The following KNCN variants were observed in gnomAD, a reference collection of about 807,000 sequenced individuals.
KNCN encodes kinocilin.
In KNCN, 11 loss-of-function variants were observed where a neutral mutation model predicts 10.4. The ratio of observed to expected loss-of-function variants is 1.06; its 90% CI spans 0.67 to 1.75. KNCN has a LOEUF of 1.75. Ranked by LOEUF, KNCN falls within the 40% of genes most tolerant of loss-of-function variation. The pLI, the probability that KNCN is intolerant of heterozygous loss-of-function variation, is 0.00. For missense variants in KNCN, 172 were observed against 167.1 expected (o/e 1.03, Z -0.16); for synonymous variants, 67 against 71.6 (o/e 0.94, Z 0.33).
Position 46,551,403 on chromosome 1 carries a change from G to C in KNCN, c.-188C>G. 1.7e-6 allele frequency: 1 copy of C among 572,908 alleles called. No individual in the cohort carries two copies. Among genetic ancestry groups the C allele is most frequent in the Non-Finnish European group, 2.9e-6 (1 of 342,018 alleles). The allele number at this position is 572,908 out of a possible 1,614,324, so 35.5% of individuals were successfully genotyped here. On this transcript the variant is annotated 5_prime_UTR_variant, in exon 1 of 4. Coordinates refer to ENST00000481882, the MANE Select transcript of KNCN (RefSeq NM_001322255.2). This position sits in a 1 kb window ranked among gnomAD's most constrained non-coding sequence, Gnocchi z 4.0. ...GTCCTATTCCACTGCTCCACTACGGGCCCCCCAGTCCCACCTTGACCAGGG... is the reference window on the plus strand; with the variant it reads ...GTCCTATTCCACTGCTCCACTACGGCCCCCCCAGTCCCACCTTGACCAGGG...
rs925242037 is a variant in KNCN, at chr1:46,547,029, C to T, written c.*701G>A. 10 of 212,458 alleles carry T rather than the reference C, an allele frequency of 4.7e-5. No homozygotes were observed. Among genetic ancestry groups the T allele is most frequent in the East Asian group, 2.4e-4 (2 of 8,480 alleles). 13.2% of individuals were successfully genotyped at this position (212,458 alleles called of 1,614,324 possible). On this transcript the variant is annotated 3_prime_UTR_variant, in exon 4 of 4. Transcript: ENST00000481882. The stretch of plus-strand genomic sequence containing the variant: ...TGGGAGGAAGAGAGAAGTCAGATCA[C>T]AAAAAGCCTTGAGTGGTGGAGTTAA...
intron 3 of KNCN, among the ~76,000 whole-genome samples, 169 bp downstream of exon 3, chr1:46,549,024 C>T (rs1023378625): frequency 6.6e-6 from 1 of 152,092 alleles, no homozygotes; most frequent in Admixed American, 6.5e-5. Flanking sequence ...GTCTGTAATC[C>T]CAGCTGCTCG....
At chr1:46,549,392 C>T (rs914414591) in intron 2 of KNCN, 125 bp from the exon 3 acceptor site, 22 of 672,770 alleles carry the variant, frequency 3.3e-5, no homozygotes, top group African/African-American at 2.9e-4. Flanking sequence ...TGCTCCACTG[C>T]ATTCCTTTAG....
At chr1:46,549,490 TC>T (rs1667022449) in intron 2 of KNCN, among the ~76,000 whole-genome samples, 1 of 151,734 alleles carries the variant, frequency 6.6e-6, no homozygotes, top group African/African-American at 2.4e-5. Flanking sequence ...GGAGGTGAGG[TC>T]CCGGGGAGAA....
intron 2 of KNCN, 140 bp downstream of exon 2, chr1:46,549,794 A>ACAG: frequency 6.9e-7 from 1 of 1,456,290 alleles, no homozygotes. Flanking sequence ...ACACACACAC[A>ACAG]CAGCAGCTCT....
Position 46,551,398 on chromosome 1 carries a change from T to C in KNCN, c.-183A>G, listed in dbSNP as rs1464627806. The C allele has an allele frequency of 1.7e-6, 1 of 586,786 alleles. No individual in the cohort carries two copies. Among genetic ancestry groups the C allele is most frequent in the East Asian group, 3.4e-5 (1 of 29,426 alleles). The allele number at this position is 586,786 out of a possible 1,614,324, so 36.3% of individuals were successfully genotyped here. ...CTGCAGTCCTATTCCACTGCTCCAC[T>C]ACGGGCCCCCCAGTCCCACCTTGAC... On this transcript the variant is annotated 5_prime_UTR_variant, in exon 1 of 4. Transcript: ENST00000481882. This position sits in a 1 kb window ranked among gnomAD's most constrained non-coding sequence, Gnocchi z 4.0.
chr1:46,549,613 G>A, intron 2 of KNCN: 1 of 552,428 alleles, frequency 1.8e-6, no homozygotes, highest in Non-Finnish European at 3.2e-6. Flanking sequence ...GAAATAGAGG[G>A]TCTTTCATGG....
chr1:46,548,630 G>A (rs1378344668), intron 3 of KNCN, among the ~76,000 whole-genome samples: 1 of 152,178 alleles, frequency 6.6e-6, no homozygotes, highest in Non-Finnish European at 1.5e-5. Context: ...AGGGGAAGGG[G>A]CAGGGAGGTG....
intron 2 of KNCN, 114 bp downstream of exon 2, chr1:46,549,817 TAGC>T (rs369870774): frequency 6.9e-7 from 1 of 1,458,580 alleles, no homozygotes; most frequent in East Asian, 4.2e-5. Context: ...CACAGACAGC[TAGC>T]GCGGTCTCAC....
In KNCN at chr1:46,547,617, T is replaced by A. The variant is rs1407373093; in HGVS notation, c.*113A>T. On this transcript the variant is annotated 3_prime_UTR_variant, in exon 4 of 4. Transcript: ENST00000481882. ...GACACTGTTCCCAGCCGCTCTGGGG[T>A]CTGCAGGGCCTGGCTTGTCTCCGGT... is the stretch of plus-strand genomic sequence containing the variant. The A allele has an allele frequency of 1.2e-6, 1 of 817,690 alleles. No individual in the cohort carries two copies. The highest frequency in any genetic ancestry group is 2.7e-5 in the East Asian group (1 of 37,702). 50.7% of individuals were successfully genotyped at this position (817,690 alleles called of 1,614,324 possible).
intron 1 of KNCN, among the ~76,000 whole-genome samples, 188 bp from the exon 2 acceptor site, chr1:46,550,190 G>C (rs1667036100): frequency 6.6e-6 from 1 of 152,168 alleles, no homozygotes; most frequent in Non-Finnish European, 1.5e-5. Flanking sequence ...GTTGGTGGGG[G>C]CAGTGCCTGT....
Position 46,547,676 on chromosome 1 carries a change from G to A in KNCN, c.*54C>T, listed in dbSNP as rs183627969. On this transcript the variant is annotated 3_prime_UTR_variant, in exon 4 of 4. Transcript: ENST00000481882. ...CCTAACCCAGGAGGGCACTGACATA[G>A]GGGCAGCAGGCAGGATGGGAGGGCA... The A allele has an allele frequency of 1.7e-4, 240 of 1,373,332 alleles. 1 individual carries two copies. The East Asian group carries it at 3.3e-3, about 19-fold the overall frequency. 85.1% of individuals were successfully genotyped at this position (1,373,332 alleles called of 1,614,324 possible).
chr1:46,550,366 A>G (rs1667039854), intron 1 of KNCN, among the ~76,000 whole-genome samples: 1 of 152,076 alleles, frequency 6.6e-6, no homozygotes, highest in African/African-American at 2.4e-5. Flanking sequence ...TGTCCTCAGC[A>G]TGTTCCTCCC....
At chr1:46,549,149 A>AAAAAAG (rs372272313) in intron 3 of KNCN, 44 bp downstream of exon 3, 94,163 of 1,262,394 alleles carry the variant, frequency 0.075, 1,036 homozygotes, top group African/African-American at 0.19. Flanking sequence ...CTCAAAAAAA[A>AAAAAAG]AAAAGAAAAA....
chr1:46,550,146 G>A (rs1194582565), intron 1 of KNCN, 144 bp from the exon 2 acceptor site: 2 of 1,462,502 alleles, frequency 1.4e-6, no homozygotes, highest in Non-Finnish European at 1.9e-6. Context: ...GACTGTGAGT[G>A]TGTAAATGTG....
rs1178408294 is a variant in KNCN, at chr1:46,547,492, G to A, written c.*238C>T. On this transcript the variant is annotated 3_prime_UTR_variant, in exon 4 of 4. Transcript: ENST00000481882. ...CAGGAGCCTGAAACATGGGAACCCT[G>A]TGGGGGCGTCCGGCGACACCTTGCT... is the stretch of plus-strand genomic sequence containing the variant. 3 of 694,546 alleles carry A rather than the reference G, an allele frequency of 4.3e-6. No individual in the cohort carries two copies. Among genetic ancestry groups the A allele is most frequent in the Admixed American group, 4.0e-5 (2 of 49,642 alleles). The allele number at this position is 694,546 out of a possible 1,614,324, so 43.0% of individuals were successfully genotyped here.
At chr1:46,550,112 G>A in intron 1 of KNCN, 110 bp from the exon 2 acceptor site, 7 of 1,532,378 alleles carry the variant, frequency 4.6e-6, no homozygotes, top group Non-Finnish European at 6.2e-6. Context: ...GTGTGCATGG[G>A]AGGAGCACAG....
In KNCN at chr1:46,551,097, A is replaced by G. The variant is rs531235327; in HGVS notation, c.119T>C (p.Met40Thr). The change falls in exon 1 of 4, where the codon ATG becomes ACG. Residue 40 changes from methionine to threonine, a missense_variant. Physicochemically the swap from Met to Thr is moderately conservative, Grantham distance 81 (BLOSUM62 -1). Transcript: ENST00000481882. This position sits in a 1 kb window ranked among gnomAD's most constrained non-coding sequence, Gnocchi z 4.0. ...AGCAGCGCCAATAAAGACACCGCCCATGGCAGCTGCAGCCTTGGATACGGA... is the reference window on the plus strand; with the variant it reads ...AGCAGCGCCAATAAAGACACCGCCCGTGGCAGCTGCAGCCTTGGATACGGA... ...GISVSKAAAA[M>T]GGVFIGAAVL... 5 of 1,609,116 alleles carry G rather than the reference A, an allele frequency of 3.1e-6. No homozygotes were observed. The highest frequency in any genetic ancestry group is 2.3e-5 in the East Asian group (1 of 44,370).
Position 46,547,500 on chromosome 1 carries a change from G to T in KNCN, c.*230C>A. 1.4e-6 allele frequency: 1 copy of T among 696,076 alleles called. No individual in the cohort carries two copies. Among genetic ancestry groups the T allele is most frequent in the Non-Finnish European group, 2.6e-6 (1 of 379,856 alleles). 43.1% of individuals were successfully genotyped at this position (696,076 alleles called of 1,614,324 possible). On this transcript the variant is annotated 3_prime_UTR_variant, in exon 4 of 4. Coordinates refer to ENST00000481882, the MANE Select transcript of KNCN (RefSeq NM_001322255.2). ...TGAAACATGGGAACCCTGTGGGGGC[G>T]TCCGGCGACACCTTGCTCCAGGTCC...
Sources: gnomAD v4.1 joint callset for allele counts (sites outside exome capture counted in the v4.1 genomes callset) on GRCh38, gnomAD v4.1.1 for gene constraint, Gnocchi (gnomAD v3.1) non-coding constraint, MANE v1.5 for transcripts, NCBI Gene and HGNC (gene_info 2026-07-23, HGNC 2026-07-21) for gene names.